Variants in ACVR1C observed in about 807,000 individuals in gnomAD.
The protein encoded by ACVR1C is activin A receptor type 1C, also known as activin receptor type-1C.
A neutral mutation model predicts 57.9 loss-of-function variants in ACVR1C; 23 were observed. The ratio of observed to expected loss-of-function variants is 0.40; its 90% CI spans 0.29 to 0.56. The LOEUF (loss-of-function observed/expected upper bound fraction) is 0.56. Among genes scored for constraint, ACVR1C ranks in the 20% least tolerant of loss-of-function variants. The pLI is 0.50. For synonymous variants in ACVR1C, 214 were observed against 215.3 expected (o/e 0.99, Z 0.05); for missense variants, 480 against 607.9 (o/e 0.79, Z 2.21).
chr2:157,539,241 G>T (rs1687563467), intron 7 of ACVR1C, among the ~76,000 whole-genome samples: 1 of 151,940 alleles, frequency 6.6e-6, no homozygotes, highest in Non-Finnish European at 1.5e-5. Context: ...TTAACGTTGG[G>T]TTTCTTACAT....
rs1687286167 is a variant in ACVR1C at position 157,528,566 on chromosome 2, T to G, written c.*5352A>C. 1 of 152,170 alleles carries G rather than the reference T, an allele frequency of 6.6e-6. No homozygotes were observed. The highest frequency in any genetic ancestry group is 1.5e-5 in the Non-Finnish European group (1 of 68,024). 9.4% of individuals were successfully genotyped at this position (152,170 alleles called of 1,614,324 possible). ...AATAGGGATTGTTACCTAATTTTGC[T>G]GTAGTATTATATTCCAAACTAATAG... On this transcript the variant is annotated 3_prime_UTR_variant, in exon 9 of 9. Coordinates refer to ENST00000243349, the MANE Select transcript of ACVR1C (RefSeq NM_145259.3).
At chr2:157,615,982 T>C (rs1256649978) in intron 1 of ACVR1C, among the ~76,000 whole-genome samples, 1 of 152,188 alleles carries the variant, frequency 6.6e-6, no homozygotes, top group African/African-American at 2.4e-5. Context: ...GGTCTATTGG[T>C]GTAGGGTTTG....
rs983540723 is a variant in ACVR1C at position 157,628,798 on chromosome 2, G to GC, written c.-155dup. 3 of 511,534 alleles carry GC rather than the reference G, an allele frequency of 5.9e-6. No individual in the cohort carries two copies. The highest frequency in any genetic ancestry group is 4.0e-5 in the African/African-American group (2 of 49,460). The allele number at this position is 511,534 out of a possible 1,614,324, so 31.7% of individuals were successfully genotyped here. A position where few individuals can be genotyped will look rare whatever the true frequency, so the allele number is the denominator to read the frequency against. On this transcript the variant is annotated 5_prime_UTR_variant, in exon 1 of 9. The change creates a premature stop within an existing upstream ORF in the 5' untranslated region. Transcript: ENST00000243349. ...GCGGTTGGCTCTAGTCAGTGTGGGC[G>GC]CCCCCCTCCCCGGCCGCCCCCATCC...
intron 2 of ACVR1C, among the ~76,000 whole-genome samples, chr2:157,582,733 GGAAAA>G (rs1250076637): frequency 6.6e-6 from 1 of 151,962 alleles, no homozygotes; most frequent in Non-Finnish European, 1.5e-5. Context: ...AAAAACGCAA[GGAAAA>G]GAAGTAAAAT....
intron 1 of ACVR1C, among the ~76,000 whole-genome samples, chr2:157,610,151 C>T (rs1330401236): frequency 6.6e-6 from 1 of 151,996 alleles, no homozygotes; most frequent in Non-Finnish European, 1.5e-5. Flanking sequence ...TTTATACTTT[C>T]ATGTGTTTTC....
rs999985896 is a variant in ACVR1C at position 157,534,135 on chromosome 2, C to T, written c.1357-92G>A. Reference sequence around the variant, plus strand: ...AAAGCCATAAATCCAGGAATTGATGCTAAGCTTTTTTTTTTTTTTTAAGAG... The same window carrying T: ...AAAGCCATAAATCCAGGAATTGATGTTAAGCTTTTTTTTTTTTTTTAAGAG... On this transcript the variant is annotated intron_variant, in intron 8 of 8. Coordinates refer to ENST00000243349, the MANE Select transcript of ACVR1C (RefSeq NM_145259.3). The T allele has an allele frequency of 3.5e-6, 4 of 1,142,576 alleles. No individual in the cohort carries two copies. The East Asian group carries it at 9.3e-5, about 26-fold the overall frequency. 70.8% of individuals were successfully genotyped at this position (1,142,576 alleles called of 1,614,324 possible).
chr2:157,554,203 GAAAGAAAGAA>G (rs1573914919), intron 3 of ACVR1C, among the ~76,000 whole-genome samples: 1 of 46,848 alleles, frequency 2.1e-5, no homozygotes, highest in African/African-American at 1.2e-4. Flanking sequence ...AAAGAAGAGA[GAAAGAAAGAA>G]AGAAAGAAAG....
In ACVR1C at chr2:157,556,116, ACAT is replaced by A. The variant is rs779625179; in HGVS notation, c.518_520del (p.Asp173del). 3 of 1,614,128 alleles carry A rather than the reference ACAT, an allele frequency of 1.9e-6. No individual in the cohort carries two copies. On this transcript the variant is annotated inframe_deletion, in exon 3 of 9. Transcript: ENST00000243349. ...ACCAGAGCCAGATCCAGAGGCGGTCACATCATAAATCAGATCTTTCAGAGTTTT... is the reference window on the plus strand; with the variant it reads ...ACCAGAGCCAGATCCAGAGGCGGTCACATAAATCAGATCTTTCAGAGTTTT...
intron 1 of ACVR1C, among the ~76,000 whole-genome samples, chr2:157,588,861 A>G (rs1341290019): frequency 7.1e-6 from 1 of 139,952 alleles, no homozygotes; most frequent in East Asian, 2.0e-4. Flanking sequence ...ATATATATAT[A>G]TATATATATA....
In ACVR1C at chr2:157,531,176, C is replaced by G. The variant is rs1166111597; in HGVS notation, c.*2742G>C. On this transcript the variant is annotated 3_prime_UTR_variant, in exon 9 of 9. Transcript: ENST00000243349. ...TGACAGCATAAGTATATACAAGAAG[C>G]CTGCCTTATGCTCTAAACTTCATCA... 6.6e-6 allele frequency: 1 copy of G among 151,674 alleles called. No individual in the cohort carries two copies. The highest frequency in any genetic ancestry group is 1.5e-5 in the Non-Finnish European group (1 of 67,884). The allele number at this position is 151,674 out of a possible 1,614,324, so 9.4% of individuals were successfully genotyped here.
At chr2:157,601,249 G>A (rs1314364800) in intron 1 of ACVR1C, among the ~76,000 whole-genome samples, 1 of 151,920 alleles carries the variant, frequency 6.6e-6, no homozygotes, top group Non-Finnish European at 1.5e-5. Context: ...CCCGGGAGGC[G>A]GAGGTTGCAG....
chr2:157,534,431 C>A (rs1687431160), intron 8 of ACVR1C, among the ~76,000 whole-genome samples: 1 of 151,990 alleles, frequency 6.6e-6, no homozygotes, highest in Admixed American at 6.6e-5. Context: ...TAGAGACTAA[C>A]TAAAAAATGT....
chr2:157,579,578 T>C (rs1439755307), intron 2 of ACVR1C, among the ~76,000 whole-genome samples: 1 of 152,234 alleles, frequency 6.6e-6, no homozygotes, highest in Non-Finnish European at 1.5e-5. Context: ...ATTTGGTCTA[T>C]AATTTTTGTC....
At chr2:157,541,374 G>A (rs2105206415) in intron 6 of ACVR1C, among the ~76,000 whole-genome samples, 160 bp from the exon 7 acceptor site, 2 of 152,240 alleles carry the variant, frequency 1.3e-5, no homozygotes, top group South Asian at 4.1e-4. Context: ...ACCATCAAGT[G>A]TGTTCAGCAT....
At position 157,532,882 on chromosome 2, in the gene ACVR1C, G is replaced by A. The variant is rs1687389936; in HGVS notation, c.*1036C>T. The stretch of plus-strand genomic sequence containing the variant: ...AGTGTGTATGTACAAAGGAAATAGG[G>A]ACCTCTGAATTGTATCTTAAAGACA... On this transcript the variant is annotated 3_prime_UTR_variant, in exon 9 of 9. Coordinates refer to ENST00000243349, the MANE Select transcript of ACVR1C (RefSeq NM_145259.3). The A allele has an allele frequency of 6.6e-6, 1 of 152,014 alleles. No individual in the cohort carries two copies. The highest frequency in any genetic ancestry group is 2.4e-5 in the African/African-American group (1 of 41,384). The allele number at this position is 152,014 out of a possible 1,614,324, so 9.4% of individuals were successfully genotyped here. A position where few individuals can be genotyped will look rare whatever the true frequency, so the allele number is the denominator to read the frequency against.
intron 4 of ACVR1C, among the ~76,000 whole-genome samples, chr2:157,549,126 G>A (rs895215952): frequency 6.6e-6 from 1 of 152,028 alleles, no homozygotes; most frequent in Admixed American, 6.6e-5. Context: ...GAGGCCGAGG[G>A]GGGTGGATAA....
At chr2:157,588,848 C>T (rs1339623313) in intron 1 of ACVR1C, among the ~76,000 whole-genome samples, 59 of 89,076 alleles carry the variant, frequency 6.6e-4, no homozygotes, top group South Asian at 1.2e-3. Flanking sequence ...ACAAACACAC[C>T]ATATATATAT....
Position 157,544,352 on chromosome 2 carries a change from A to G in ACVR1C, c.943+93T>C, listed in dbSNP as rs1272407465. ...AAGCCACCGTGCCCAGCCTAAAGAA[A>G]TAATAATTAATTACTCCTAATAAAT... On this transcript the variant is annotated intron_variant, in intron 5 of 8. Coordinates refer to ENST00000243349, the MANE Select transcript of ACVR1C (RefSeq NM_145259.3). 2.3e-6 allele frequency: 3 copies of G among 1,277,190 alleles called. No homozygotes were observed. The African/African-American group carries it at 4.6e-5, about 20-fold the overall frequency. 79.1% of individuals were successfully genotyped at this position (1,277,190 alleles called of 1,614,324 possible). A position where few individuals can be genotyped will look rare whatever the true frequency, so the allele number is the denominator to read the frequency against.
At chr2:157,564,705 C>A (rs1472678897) in intron 2 of ACVR1C, among the ~76,000 whole-genome samples, 3 of 152,116 alleles carry the variant, frequency 2.0e-5, no homozygotes, top group African/African-American at 4.8e-5. Flanking sequence ...GGCACCAACC[C>A]CAATGCCCAT....
Sources: allele counts gnomAD v4.1 joint callset (sites outside exome capture counted in the v4.1 genomes callset), GRCh38; gene constraint gnomAD v4.1.1; transcripts MANE v1.5; gene names NCBI Gene and HGNC (gene_info 2026-07-23, HGNC 2026-07-21).